GAS6: variants seen among roughly 807,000 people sequenced by gnomAD.
GAS6 encodes growth arrest-specific protein 6.
GAS6 carries 41 observed loss-of-function variants against 75.8 expected under a neutral mutation model. The ratio of observed to expected loss-of-function variants is 0.54; its 90% CI spans 0.42 to 0.70. The LOEUF (loss-of-function observed/expected upper bound fraction) is 0.70, where lower values mean the gene tolerates loss of function less well. Among genes scored for constraint, GAS6 ranks in the 30% least tolerant of loss-of-function variants. The pLI is 0.00. For synonymous variants in GAS6, 432 were observed against 412.6 expected, an observed-to-expected ratio of 1.05 and a Z score of -0.57; for missense variants, 854 against 940.2, an observed-to-expected ratio of 0.91 and a Z score of 1.20.
chr13:113,862,187 G>C (rs1275750977), intron 2 of GAS6, among the ~76,000 whole-genome samples: 1 of 152,194 alleles, frequency 6.6e-6, no homozygotes, highest in Non-Finnish European at 1.5e-5. Context: ...GATTGACATG[G>C]GCCCTGCAGG....
chr13:113,823,774 C>T (rs549428199), intron 12 of GAS6, among the ~76,000 whole-genome samples: 18 of 152,376 alleles, frequency 1.2e-4, no homozygotes, highest in Admixed American at 3.9e-4. Context: ...CACACCAGTA[C>T]CCCACTTCCA....
intron 2 of GAS6, among the ~76,000 whole-genome samples, chr13:113,862,106 T>A (rs1333140248): frequency 6.6e-6 from 1 of 152,208 alleles, no homozygotes; most frequent in Admixed American, 6.5e-5. Context: ...GTTATTAAAT[T>A]AAAATTGGAA....
chr13:113,841,483 A>G (rs1291504919), intron 4 of GAS6: 2 of 152,060 alleles, frequency 1.3e-5, no homozygotes, highest in Non-Finnish European at 2.9e-5. Flanking sequence ...TTTCCTCCAT[A>G]TGCCTCAATT....
In GAS6 at chr13:113,838,055, C is replaced by G; in HGVS notation, c.589+14G>C. On this transcript the variant is annotated intron_variant, in intron 6 of 14. Coordinates refer to ENST00000327773, the MANE Select transcript of GAS6 (RefSeq NM_000820.4). Reference sequence around the variant, plus strand: ...GAGAGGAGAGAGGAGAGAGGCCTCACCCCAGGGCCTTACCTTGGCAGGTCC... The same window carrying G: ...GAGAGGAGAGAGGAGAGAGGCCTCAGCCCAGGGCCTTACCTTGGCAGGTCC... The G allele has an allele frequency of 6.2e-7, 1 of 1,611,886 alleles. No individual in the cohort carries two copies. Among genetic ancestry groups the G allele is most frequent in the Non-Finnish European group, 8.5e-7 (1 of 1,179,762 alleles).
chr13:113,829,130 G>A lies in GAS6; in HGVS notation c.1144-419C>T, dbSNP rs1288628129. On this transcript the variant is annotated intron_variant, in intron 10 of 14. Transcript: ENST00000327773. ...CACCTGATCCTCACCTGGGCCAAGA[G>A]GGTCCCGACCTCAGGGAGACCACCT... is the stretch of plus-strand genomic sequence containing the variant. 4.9e-5 allele frequency among the ~76,000 whole-genome samples: 5 copies of A among 102,228 alleles called. No individual in the cohort carries two copies. The South Asian group carries it at 1.9e-3, about 39-fold the overall frequency. The allele number at this position is 102,228 out of a possible 152,430, so 67.1% of individuals were successfully genotyped here. A position where few individuals can be genotyped will look rare whatever the true frequency, so the allele number is the denominator to read the frequency against.
chr13:113,853,165 A>G (rs940322905), intron 2 of GAS6, among the ~76,000 whole-genome samples: 1 of 152,244 alleles, frequency 6.6e-6, no homozygotes, highest in Admixed American at 6.5e-5. Context: ...ACAAGACAGG[A>G]AACACTTTTG....
At chr13:113,849,422 G>A (rs550319751) in intron 2 of GAS6, among the ~76,000 whole-genome samples, 1 of 152,280 alleles carries the variant, frequency 6.6e-6, no homozygotes, top group African/African-American at 2.4e-5. Context: ...AACACGAAGT[G>A]GCACCAGGTT....
At chr13:113,835,961 A>T in intron 6 of GAS6, 1 of 1,108,172 alleles carries the variant, frequency 9.0e-7, no homozygotes, top group Non-Finnish European at 1.1e-6. Flanking sequence ...GCTACAGGAC[A>T]CGGGGCCGTA....
intron 2 of GAS6, among the ~76,000 whole-genome samples, chr13:113,850,622 T>C (rs1338710006): frequency 6.6e-6 from 1 of 152,212 alleles, no homozygotes; most frequent in East Asian, 1.9e-4. Context: ...AACATCTACC[T>C]GCCCAGCACC....
At chr13:113,838,038 AGAG>A in intron 6 of GAS6, 28 bp downstream of exon 6, 2 of 1,609,406 alleles carry the variant, frequency 1.2e-6, no homozygotes, top group Non-Finnish European at 1.7e-6. Flanking sequence ...GGGAGAGGAG[AGAG>A]GAGAGAGGCC....
intron 7 of GAS6, among the ~76,000 whole-genome samples, chr13:113,835,035 G>C (rs1468131768): frequency 6.6e-6 from 1 of 152,260 alleles, no homozygotes; most frequent in Admixed American, 6.5e-5. Flanking sequence ...GACAGCTGTG[G>C]TGGGAAATGG....
In GAS6 at chr13:113,858,701, GTGTA is replaced by G. The variant is rs1439151238; in HGVS notation, c.255+4870_255+4873del. 8.8e-5 allele frequency among the ~76,000 whole-genome samples: 13 copies of G among 147,928 alleles called. No homozygotes were observed. The South Asian group carries it at 2.4e-3, about 28-fold the overall frequency. On this transcript the variant is annotated intron_variant, in intron 2 of 14. Transcript: ENST00000327773. ...TGTATGCATGTCTGTGTGTGTGACTGTGTATGTACATCTATGTGAATGTGTGCAT... is the reference window on the plus strand; with the variant it reads ...TGTATGCATGTCTGTGTGTGTGACTGTGTACATCTATGTGAATGTGTGCAT...
intron 4 of GAS6, among the ~76,000 whole-genome samples, chr13:113,846,253 TCTGA>T (rs1163988892): frequency 2.0e-5 from 3 of 152,270 alleles, no homozygotes; most frequent in Non-Finnish European, 4.4e-5. Context: ...TACGGTGGTG[TCTGA>T]CTGGACGACT....
Position 113,823,328 on chromosome 13 carries a change from C to T in GAS6, c.1653+47G>A, listed in dbSNP as rs757310622. The T allele has an allele frequency of 5.1e-6, 8 of 1,553,712 alleles. No homozygotes were observed. In the South Asian group the frequency reaches 9.5e-5, roughly 18 times the overall value. On this transcript the variant is annotated intron_variant, in intron 13 of 14. Coordinates refer to ENST00000327773, the MANE Select transcript of GAS6 (RefSeq NM_000820.4). ...CCTGCCAGGGAGTGCAGCCCACGTA[C>T]CCGTGGGTCGAGCCGGTCAGGACGC...
intron 8 of GAS6, among the ~76,000 whole-genome samples, chr13:113,833,914 C>T (rs969192581): frequency 2.1e-5 from 3 of 146,008 alleles, no homozygotes; most frequent in Non-Finnish European, 4.5e-5. Context: ...TGTGACAGGT[C>T]GGTGTGACAG....
At chr13:113,821,869 C>T (rs1056306286) in intron 14 of GAS6, 89 bp downstream of exon 14, 10 of 1,070,766 alleles carry the variant, frequency 9.3e-6, no homozygotes, top group South Asian at 8.3e-5. Flanking sequence ...CTACCAGAAA[C>T]CCCAGCCTGT....
intron 6 of GAS6, chr13:113,835,985 C>T: frequency 2.8e-6 from 3 of 1,063,980 alleles, no homozygotes; most frequent in Non-Finnish European, 3.4e-6. Context: ...AGTAACCCCC[C>T]GGGGGCATTT....
At chr13:113,826,303 T>G (rs1242259067) in intron 12 of GAS6, among the ~76,000 whole-genome samples, 6 of 152,198 alleles carry the variant, frequency 3.9e-5, no homozygotes, top group African/African-American at 1.4e-4. Context: ...ACCGAGAGCT[T>G]CTCTGTGCCC....
chr13:113,827,129 C>G lies in GAS6; in HGVS notation c.1344G>C (p.Trp448Cys), dbSNP rs2051560892. The change falls in exon 12 of 15, where the codon TGG (tryptophan) becomes TGC (cysteine). Residue 448 changes from tryptophan to cysteine, a missense_variant. Physicochemically the swap from Trp to Cys is radical, Grantham distance 215 (BLOSUM62 -2). Coordinates refer to ENST00000327773, the MANE Select transcript of GAS6 (RefSeq NM_000820.4). ...TGGTGTCTTCTCCGTTCAGCCAGTT[C>G]CAGCTCCTCATGCAGCCATCCAGAC... ...NPRLDGCMRS[W>C]NWLNGEDTTI... is the part of the protein sequence containing the mutation. The G allele has an allele frequency of 6.2e-7, 1 of 1,613,428 alleles. No individual in the cohort carries two copies. The highest frequency in any genetic ancestry group is 8.5e-7 in the Non-Finnish European group (1 of 1,179,894).
Sources: allele counts gnomAD v4.1 joint callset (sites outside exome capture counted in the v4.1 genomes callset), GRCh38; gene constraint gnomAD v4.1.1; transcripts MANE v1.5; gene names NCBI Gene and HGNC (gene_info 2026-07-23, HGNC 2026-07-21).